Variants in THSD7B observed in about 807,000 individuals in gnomAD.
The protein encoded by THSD7B is thrombospondin type-1 domain-containing protein 7B.
Under a neutral mutation model 213.6 loss-of-function variants are expected in THSD7B, and 138 were observed. The ratio of observed to expected loss-of-function variants is 0.65; its 90% CI spans 0.56 to 0.74. The LOEUF (loss-of-function observed/expected upper bound fraction) is 0.74, where lower values mean the gene tolerates loss of function less well. THSD7B is among the 30% of genes least tolerant of loss of function. THSD7B has a pLI of 0.00. For synonymous variants in THSD7B, 742 were observed against 687.0 expected (o/e 1.08, Z -1.25); for missense variants, 1,931 against 1,991.5 (o/e 0.97, Z 0.58).
intron 4 of THSD7B, among the ~76,000 whole-genome samples, chr2:137,104,459 C>T (rs111259430): frequency 2.2e-4 from 34 of 151,910 alleles, no homozygotes; most frequent in African/African-American, 7.0e-4. Flanking sequence ...CCATAAGTGT[C>T]GAACATCACA....
At chr2:137,385,128 T>C (rs1685861978) in intron 12 of THSD7B, among the ~76,000 whole-genome samples, 1 of 152,148 alleles carries the variant, frequency 6.6e-6, no homozygotes, top group African/African-American at 2.4e-5. Flanking sequence ...CCAGGTGCCA[T>C]CTTGGGAGAA....
chr2:137,485,324 A>G (rs1405018947), intron 15 of THSD7B, among the ~76,000 whole-genome samples: 2 of 150,602 alleles, frequency 1.3e-5, no homozygotes, highest in Non-Finnish European at 3.0e-5. Flanking sequence ...CAAAGATCAG[A>G]TAGTTGTAGA....
chr2:137,667,494 C>T, intron 26 of THSD7B, among the ~76,000 whole-genome samples: 1 of 152,100 alleles, frequency 6.6e-6, no homozygotes, highest in East Asian at 1.9e-4. Flanking sequence ...CATGTAATAA[C>T]ATTTAAGGTT....
intron 14 of THSD7B, among the ~76,000 whole-genome samples, chr2:137,438,089 CT>C (rs1204699986): frequency 3.3e-5 from 5 of 152,140 alleles, no homozygotes; most frequent in Non-Finnish European, 1.5e-5. Flanking sequence ...TGGCTAACCT[CT>C]TGTTCCAGAC....
intron 2 of THSD7B, among the ~76,000 whole-genome samples, chr2:137,039,659 C>A (rs1407931386): frequency 6.6e-6 from 1 of 152,182 alleles, no homozygotes; most frequent in Non-Finnish European, 1.5e-5. Flanking sequence ...TCTTTATATG[C>A]CTACAAGATG....
intron 15 of THSD7B, chr2:137,479,340 A>G (rs973978211): frequency 7.8e-5 from 16 of 206,400 alleles, no homozygotes; most frequent in Non-Finnish European, 1.5e-4. Context: ...GTGCCAGGTA[A>G]TTCCCAGGCT....
At position 137,283,844 on chromosome 2, in the gene THSD7B, A is replaced by G. The variant is rs372707437; in HGVS notation, c.2500+7818A>G. ...TTTTGCATCAATGTTCATCAAGGATATTGGTCTAAAATTCTCTTTTTTGGT... is the reference window on the plus strand; with the variant it reads ...TTTTGCATCAATGTTCATCAAGGATGTTGGTCTAAAATTCTCTTTTTTGGT... On this transcript the variant is annotated intron_variant, in intron 12 of 27. Transcript: ENST00000409968. Among the ~76,000 whole-genome samples, 25 of 152,258 alleles carry G rather than the reference A, an allele frequency of 1.6e-4. No individual in the cohort carries two copies. The East Asian group carries it at 2.5e-3, about 15-fold the overall frequency.
At chr2:137,077,726 C>A (rs951549314) in intron 3 of THSD7B, among the ~76,000 whole-genome samples, 2 of 150,282 alleles carry the variant, frequency 1.3e-5, no homozygotes, top group African/African-American at 5.0e-5. Context: ...TGTATATTAG[C>A]CCTTTGTCAG....
intron 1 of THSD7B, among the ~76,000 whole-genome samples, chr2:136,813,115 A>G (rs1254501790): frequency 6.6e-6 from 1 of 152,052 alleles, no homozygotes; most frequent in Non-Finnish European, 1.5e-5. Flanking sequence ...CTGTTTAATT[A>G]CTTTTCTTCT....
chr2:137,245,932 TG>T lies in THSD7B; in HGVS notation c.2266+3364del, dbSNP rs1379204101. 7.2e-5 allele frequency among the ~76,000 whole-genome samples: 11 copies of T among 152,242 alleles called. No individual in the cohort carries two copies. The South Asian group carries it at 2.3e-3, about 32-fold the overall frequency. On this transcript the variant is annotated intron_variant, in intron 10 of 27. Transcript: ENST00000409968. The stretch of plus-strand genomic sequence containing the variant: ...CAGATTCTAATTCAATAGACCGAAA[TG>T]GGGCCTGGAATTGTATATTTCTATA...
intron 12 of THSD7B, among the ~76,000 whole-genome samples, chr2:137,322,364 A>C (rs1684280113): frequency 1.3e-5 from 2 of 152,228 alleles, no homozygotes; most frequent in African/African-American, 2.4e-5. Context: ...AAATTAGAGG[A>C]GTAGGGCACA....
intron 10 of THSD7B, among the ~76,000 whole-genome samples, chr2:137,265,671 A>C (rs1573921130): frequency 6.6e-6 from 1 of 152,246 alleles, no homozygotes; most frequent in Admixed American, 6.5e-5. Flanking sequence ...ATAGCAGTGC[A>C]GTCCGTCTAC....
chr2:137,138,207 ATT>A (rs749191801), intron 5 of THSD7B, among the ~76,000 whole-genome samples: 2 of 152,106 alleles, frequency 1.3e-5, no homozygotes, highest in African/African-American at 4.8e-5. Flanking sequence ...AATATGAAGG[ATT>A]TTTTTGTGAA....
At chr2:137,321,492 G>A (rs1684264329) in intron 12 of THSD7B, among the ~76,000 whole-genome samples, 1 of 152,118 alleles carries the variant, frequency 6.6e-6, no homozygotes, top group Non-Finnish European at 1.5e-5. Context: ...TTCCAGAAGG[G>A]ATAAGAATGT....
intron 12 of THSD7B, among the ~76,000 whole-genome samples, chr2:137,312,157 G>T (rs1281677175): frequency 1.3e-5 from 2 of 152,190 alleles, no homozygotes; most frequent in South Asian, 4.1e-4. Context: ...TTGTTGGTAA[G>T]CTATTGATTA....
intron 14 of THSD7B, among the ~76,000 whole-genome samples, chr2:137,424,660 AT>A (rs1687001995): frequency 6.6e-6 from 1 of 152,188 alleles, no homozygotes; most frequent in Admixed American, 6.5e-5. Context: ...TAAAGAAAAA[AT>A]ATTTGATAAA....
At chr2:136,822,908 A>G (rs143713721) in intron 1 of THSD7B, among the ~76,000 whole-genome samples, 23 of 152,274 alleles carry the variant, frequency 1.5e-4, no homozygotes, top group Admixed American at 5.9e-4. Context: ...CATTAATGAA[A>G]TTGTTTATTC....
chr2:136,876,107 GA>G (rs1683523290), intron 1 of THSD7B, among the ~76,000 whole-genome samples: 1 of 152,024 alleles, frequency 6.6e-6, no homozygotes, highest in Non-Finnish European at 1.5e-5. Context: ...TTTGTTTCAT[GA>G]AAAAAAGTAG....
chr2:136,852,149 A>G (rs553336657), intron 1 of THSD7B, among the ~76,000 whole-genome samples: 1 of 152,164 alleles, frequency 6.6e-6, no homozygotes, highest in African/African-American at 2.4e-5. Flanking sequence ...CTCAAAGTGG[A>G]GAGATGTGAC....
Sources: allele counts gnomAD v4.1 joint callset (sites outside exome capture counted in the v4.1 genomes callset), GRCh38; gene constraint gnomAD v4.1.1; transcripts MANE v1.5; gene names NCBI Gene and HGNC (gene_info 2026-07-23, HGNC 2026-07-21).